The following MARCHF2 variants were observed in gnomAD, a reference collection of about 807,000 sequenced individuals.
MARCHF2 encodes the protein E3 ubiquitin-protein ligase MARCHF2.
MARCHF2 carries 22 observed loss-of-function variants against 24.0 expected under a neutral mutation model. The ratio of observed to expected loss-of-function variants is 0.92; its 90% CI spans 0.66 to 1.31. The LOEUF (loss-of-function observed/expected upper bound fraction) is 1.31, where lower values mean the gene tolerates loss of function less well. MARCHF2 is among the 50% of genes most tolerant of loss of function. The probability of loss-of-function intolerance (pLI) is 0.00; values close to 1 mark genes in which losing one functional copy is unlikely to be tolerated. For missense variants in MARCHF2, 301 were observed against 335.3 expected (o/e 0.90, Z 0.80); for synonymous variants, 154 against 153.0 (o/e 1.01, Z -0.05).
At chr19:8,429,506 A>G (rs1235286869) in intron 3 of MARCHF2, among the ~76,000 whole-genome samples, 1 of 147,830 alleles carries the variant, frequency 6.8e-6, no homozygotes, top group African/African-American at 2.5e-5. Flanking sequence ...TATTATTATT[A>G]TTATTATTAT....
intron 4 of MARCHF2, among the ~76,000 whole-genome samples, chr19:8,431,819 CAA>C (rs1967595063): frequency 2.0e-5 from 3 of 151,972 alleles, no homozygotes; most frequent in African/African-American, 4.8e-5. Flanking sequence ...GCCTGGGCGA[CAA>C]GAGCAAAACT....
At chr19:8,435,717 T>C in intron 4 of MARCHF2, among the ~76,000 whole-genome samples, 1 of 151,464 alleles carries the variant, frequency 6.6e-6, no homozygotes, top group African/African-American at 2.4e-5. Context: ...TTTTTGTATT[T>C]TTTGTAGAGA....
At chr19:8,428,672 A>AAAAC (rs1967485986) in intron 3 of MARCHF2, among the ~76,000 whole-genome samples, 2 of 147,964 alleles carry the variant, frequency 1.4e-5, no homozygotes, top group East Asian at 4.0e-4. Flanking sequence ...AAAAAAAAAA[A>AAAAC]AAAAAAAAAA....
intron 3 of MARCHF2, among the ~76,000 whole-genome samples, chr19:8,428,241 C>T (rs1190707976): frequency 2.0e-5 from 3 of 150,840 alleles, no homozygotes; most frequent in Non-Finnish European, 2.9e-5. Context: ...GCCTGGGCGA[C>T]AGAGTGAGAC....
intron 1 of MARCHF2, among the ~76,000 whole-genome samples, chr19:8,416,579 T>C (rs1372239323): frequency 1.3e-5 from 2 of 151,946 alleles, no homozygotes; most frequent in African/African-American, 4.8e-5. Context: ...GGCACTTCAT[T>C]GATTGATTGA....
At position 8,413,309 on chromosome 19, in the gene MARCHF2, G is replaced by T. The variant is rs1480056324; in HGVS notation, c.-164G>T. On this transcript the variant is annotated 5_prime_UTR_variant, in exon 1 of 5. Coordinates refer to ENST00000215555, the MANE Select transcript of MARCHF2 (RefSeq NM_001005415.2). ...TCGGCTCGGCGGGCGGTGCCCGGACGCAGGTGCCGGCCGGAGCGGAGCTAG... is the reference window on the plus strand; with the variant it reads ...TCGGCTCGGCGGGCGGTGCCCGGACTCAGGTGCCGGCCGGAGCGGAGCTAG... 6.6e-6 allele frequency: 1 copy of T among 151,950 alleles called. No homozygotes were observed. The highest frequency in any genetic ancestry group is 2.4e-5 in the African/African-American group (1 of 41,422). The allele number at this position is 151,950 out of a possible 1,614,324, so 9.4% of individuals were successfully genotyped here.
chr19:8,437,892 G>A (rs994143427), intron 4 of MARCHF2, among the ~76,000 whole-genome samples: 4 of 151,822 alleles, frequency 2.6e-5, no homozygotes, highest in African/African-American at 7.3e-5. Context: ...CTACAGGTCC[G>A]TGCCACCACG....
At chr19:8,425,895 A>G (rs1459280193) in intron 2 of MARCHF2, among the ~76,000 whole-genome samples, 1 of 151,540 alleles carries the variant, frequency 6.6e-6, no homozygotes, top group East Asian at 2.0e-4. Flanking sequence ...GATTACAGGA[A>G]TGAGCCACCT....
At chr19:8,426,992 C>G (rs1967421777) in intron 3 of MARCHF2, among the ~76,000 whole-genome samples, 188 bp downstream of exon 3, 2 of 152,062 alleles carry the variant, frequency 1.3e-5, no homozygotes, top group Admixed American at 6.6e-5. Flanking sequence ...CTCCCAGACC[C>G]ATTAACCTCT....
chr19:8,428,199 GC>G (rs1967464034), intron 3 of MARCHF2, among the ~76,000 whole-genome samples: 1 of 151,970 alleles, frequency 6.6e-6, no homozygotes, highest in African/African-American at 2.4e-5. Context: ...GGCGGAGCTT[GC>G]AGTGAGCTGA....
In MARCHF2 at chr19:8,431,044, A is replaced by G. The variant is rs1223579304; in HGVS notation, c.582+177A>G. On this transcript the variant is annotated intron_variant, in intron 4 of 4. Coordinates refer to ENST00000215555, the MANE Select transcript of MARCHF2 (RefSeq NM_001005415.2). Reference sequence around the variant, plus strand: ...CCTCTCCAGGAGCTTGAGATTCCAAATGTGACAAAGGTCTAGGGAATCCCT... The same window carrying G: ...CCTCTCCAGGAGCTTGAGATTCCAAGTGTGACAAAGGTCTAGGGAATCCCT... Among the ~76,000 whole-genome samples the G allele has an allele frequency of 1.3e-5, 2 of 152,116 alleles. No homozygotes were observed. Among genetic ancestry groups the G allele is most frequent in the Non-Finnish European group, 2.9e-5 (2 of 68,030 alleles).
At position 8,430,628 on chromosome 19, in the gene MARCHF2, CTCCTCTGCCCCCTA is replaced by C; in HGVS notation, c.373-23_373-10del. On this transcript the variant is annotated splice_polypyrimidine_tract_variant and intron_variant, in intron 3 of 4. Transcript: ENST00000215555. This position sits in a 1 kb window ranked among gnomAD's most constrained non-coding sequence, Gnocchi z 4.4. ...CTCAGTAGCCCCTTCTCTGCCCCCT[CTCCTCTGCCCCCTA>C]TCCTCTCCCCTGCAGTGGCTGAAGG... 1 of 1,590,702 alleles carries C rather than the reference CTCCTCTGCCCCCTA, an allele frequency of 6.3e-7. No homozygotes were observed. The highest frequency in any genetic ancestry group is 8.6e-7 in the Non-Finnish European group (1 of 1,169,070).
In MARCHF2 at chr19:8,413,359, CG is replaced by C. The variant is rs1220742303; in HGVS notation, c.-111del. The C allele has an allele frequency of 2.0e-5, 3 of 151,656 alleles. No homozygotes were observed. Among genetic ancestry groups the C allele is most frequent in the South Asian group, 2.1e-4 (1 of 4,830 alleles). The allele number at this position is 151,656 out of a possible 1,614,324, so 9.4% of individuals were successfully genotyped here. A position where few individuals can be genotyped will look rare whatever the true frequency, so the allele number is the denominator to read the frequency against. ...GTGGCGCCGACGGGCCGGGCCGGGC[CG>C]GGACCGGGGCCGAGGCGAACCGAGG... On this transcript the variant is annotated 5_prime_UTR_variant, in exon 1 of 5. Transcript: ENST00000215555.
intron 4 of MARCHF2, 45 bp from the exon 5 acceptor site, chr19:8,438,343 C>T (rs1967786341): frequency 1.9e-6 from 3 of 1,603,494 alleles, no homozygotes; most frequent in African/African-American, 1.3e-5. Flanking sequence ...TTGTTTTCCT[C>T]CCTTGCGGGT....
intron 4 of MARCHF2, among the ~76,000 whole-genome samples, chr19:8,434,589 G>C (rs1967665074): frequency 6.6e-6 from 1 of 151,964 alleles, no homozygotes; most frequent in South Asian, 2.1e-4. Flanking sequence ...TTTCCAATGT[G>C]TGTGTGGTTT....
In MARCHF2 at chr19:8,430,061, A is replaced by G. The variant is rs1010525305; in HGVS notation, c.373-597A>G. 6.6e-6 allele frequency among the ~76,000 whole-genome samples: 1 copy of G among 151,880 alleles called. No individual in the cohort carries two copies. Among genetic ancestry groups the G allele is most frequent in the Non-Finnish European group, 1.5e-5 (1 of 67,986 alleles). ...GGGCCTGGCTCCTCATGGGCTCAATAAATGTTTGAAAGAAGGAAAGGGCCA... is the reference window on the plus strand; with the variant it reads ...GGGCCTGGCTCCTCATGGGCTCAATGAATGTTTGAAAGAAGGAAAGGGCCA... On this transcript the variant is annotated intron_variant, in intron 3 of 4. Transcript: ENST00000215555. This position sits in a 1 kb window ranked among gnomAD's most constrained non-coding sequence, Gnocchi z 4.4.
intron 3 of MARCHF2, among the ~76,000 whole-genome samples, chr19:8,428,679 A>AAAAAAAAAAC (rs1967487535): frequency 7.8e-6 from 1 of 128,386 alleles, no homozygotes; most frequent in Non-Finnish European, 1.6e-5. Flanking sequence ...AAAAAAAAAA[A>AAAAAAAAAAC]AAAACCAAGG....
In MARCHF2 at chr19:8,430,260, G is replaced by A. The variant is rs1568240067; in HGVS notation, c.373-398G>A. Among the ~76,000 whole-genome samples, 3 of 152,176 alleles carry A rather than the reference G, an allele frequency of 2.0e-5. No individual in the cohort carries two copies. The highest frequency in any genetic ancestry group is 4.8e-5 in the African/African-American group (2 of 41,446). The stretch of plus-strand genomic sequence containing the variant: ...TGCCTATAATCCCAGCTACTCGGGA[G>A]GCTGAGGTGGGAGAATCGCTTGAAC... On this transcript the variant is annotated intron_variant, in intron 3 of 4. Transcript: ENST00000215555. This position sits in a 1 kb window ranked among gnomAD's most constrained non-coding sequence, Gnocchi z 4.4.
chr19:8,426,262 G>A (rs1344420294), intron 2 of MARCHF2, among the ~76,000 whole-genome samples: 2 of 151,108 alleles, frequency 1.3e-5, no homozygotes, highest in South Asian at 2.1e-4. Flanking sequence ...AAGAGTTGAG[G>A]GTGGGGAAGT....
Sources: gnomAD v4.1 joint callset for allele counts (sites outside exome capture counted in the v4.1 genomes callset) on GRCh38, gnomAD v4.1.1 for gene constraint, Gnocchi (gnomAD v3.1) non-coding constraint, MANE v1.5 for transcripts, NCBI Gene and HGNC (gene_info 2026-07-23, HGNC 2026-07-21) for gene names.